Variants in RIC8B observed in about 807,000 individuals in gnomAD.
The protein encoded by RIC8B is chaperone Ric-8B.
In RIC8B, 16 loss-of-function variants were observed where a neutral mutation model predicts 57.5. The ratio of observed to expected loss-of-function variants is 0.28; its 90% CI spans 0.19 to 0.42. RIC8B has a LOEUF of 0.42. Ranked by LOEUF, RIC8B falls within the 10% of genes least tolerant of loss-of-function variation. RIC8B has a pLI of 1.00. For synonymous variants in RIC8B, 216 were observed against 250.8 expected, an observed-to-expected ratio of 0.86 and a Z score of 1.31; for missense variants, 481 against 677.0, an observed-to-expected ratio of 0.71 and a Z score of 3.21.
At chr12:106,821,577 T>C (rs2045842598) in intron 3 of RIC8B, among the ~76,000 whole-genome samples, 1 of 152,160 alleles carries the variant, frequency 6.6e-6, no homozygotes, top group Non-Finnish European at 1.5e-5. Context: ...ACATTTCTTA[T>C]ATGAGCAAAG....
At chr12:106,800,803 A>T (rs1347067977) in intron 2 of RIC8B, among the ~76,000 whole-genome samples, 1 of 152,102 alleles carries the variant, frequency 6.6e-6, no homozygotes. Flanking sequence ...TTCCAAAGAG[A>T]TTGTATATAG....
intron 4 of RIC8B, among the ~76,000 whole-genome samples, chr12:106,832,142 A>G (rs2046378675): frequency 6.6e-6 from 1 of 152,080 alleles, no homozygotes; most frequent in Non-Finnish European, 1.5e-5. Flanking sequence ...TGACTGCCTA[A>G]TTTAGATTAA....
intron 6 of RIC8B, among the ~76,000 whole-genome samples, chr12:106,851,054 A>G (rs1949449259): frequency 6.6e-6 from 1 of 152,198 alleles, no homozygotes; most frequent in Non-Finnish European, 1.5e-5. Flanking sequence ...AGGACTCAAG[A>G]GAAGGTAAAA....
At chr12:106,878,864 A>C (rs1215519847) in intron 9 of RIC8B, 3 of 451,034 alleles carry the variant, frequency 6.7e-6, no homozygotes, top group East Asian at 1.6e-4. Context: ...AGAACAAAAT[A>C]TGTTACATAA....
intron 3 of RIC8B, among the ~76,000 whole-genome samples, chr12:106,821,490 TAAGAGACCTAAATATAC>T (rs763093305): frequency 6.6e-5 from 10 of 152,204 alleles, no homozygotes; most frequent in Non-Finnish European, 1.5e-4. Context: ...TTGAGATGGA[TAAGAGACCTAAATATAC>T]AAGGTAAATA....
intron 3 of RIC8B, chr12:106,822,182 A>G (rs1389474114): frequency 1.3e-5 from 2 of 152,156 alleles, no homozygotes; most frequent in Non-Finnish European, 2.9e-5. Flanking sequence ...ACATATGAAA[A>G]GGTGTTCAAC....
intron 7 of RIC8B, among the ~76,000 whole-genome samples, chr12:106,857,906 T>G (rs539846564): frequency 7.9e-5 from 12 of 152,312 alleles, no homozygotes; most frequent in African/African-American, 2.6e-4. Context: ...ATTTTAAAAC[T>G]CTTGGCTATA....
At chr12:106,824,929 T>G (rs995535009) in intron 3 of RIC8B, among the ~76,000 whole-genome samples, 1 of 152,022 alleles carries the variant, frequency 6.6e-6, no homozygotes, top group Non-Finnish European at 1.5e-5. Context: ...GAAAAAAGTT[T>G]TATAATTTTT....
chr12:106,774,861 C>A, intron 1 of RIC8B, 32 bp downstream of exon 1: 1 of 1,506,624 alleles, frequency 6.6e-7, no homozygotes. Flanking sequence ...CGTGCGGTAT[C>A]GCACCCCCGG....
At chr12:106,821,488 G>A (rs1272494501) in intron 3 of RIC8B, among the ~76,000 whole-genome samples, 1 of 152,156 alleles carries the variant, frequency 6.6e-6, no homozygotes, top group African/African-American at 2.4e-5. Flanking sequence ...ATTTGAGATG[G>A]ATAAGAGACC....
At chr12:106,858,422 G>T (rs1316501136) in intron 7 of RIC8B, among the ~76,000 whole-genome samples, 3 of 152,038 alleles carry the variant, frequency 2.0e-5, no homozygotes, top group Non-Finnish European at 4.4e-5. Flanking sequence ...CAGTCGCTTT[G>T]TGTCTGACCA....
chr12:106,843,723 C>CAAAA (rs11384376), intron 5 of RIC8B, 129 bp from the exon 6 acceptor site: 34 of 256,680 alleles, frequency 1.3e-4, no homozygotes, highest in Non-Finnish European at 1.6e-4. Context: ...CTCCCTCTCC[C>CAAAA]AAAAAAAAAA....
At chr12:106,832,348 G>C (rs1461735806) in intron 4 of RIC8B, among the ~76,000 whole-genome samples, 1 of 152,050 alleles carries the variant, frequency 6.6e-6, no homozygotes, top group Middle Eastern at 3.4e-3. Context: ...CGGGTGGATC[G>C]CCTGAGGTCA....
intron 5 of RIC8B, among the ~76,000 whole-genome samples, chr12:106,843,452 T>C (rs1949040898): frequency 6.6e-6 from 1 of 152,178 alleles, no homozygotes; most frequent in Non-Finnish European, 1.5e-5. Flanking sequence ...AAAGAATTTT[T>C]AAAATAGTTT....
At chr12:106,864,971 T>TG (rs1389603685) in intron 8 of RIC8B, among the ~76,000 whole-genome samples, 48 of 152,124 alleles carry the variant, frequency 3.2e-4, no homozygotes, top group African/African-American at 1.1e-3. Context: ...GATTCGTTCA[T>TG]GTTGTGGCAC....
rs192625992 is a variant in RIC8B, at chr12:106,855,196, C to G, written c.1306+3602C>G. Among the ~76,000 whole-genome samples, 544 of 152,244 alleles carry G rather than the reference C, an allele frequency of 3.6e-3. 6 individuals are homozygous for G. The highest frequency in any genetic ancestry group is 3.8e-3 in the Non-Finnish European group (260 of 68,006). ...GGCTTGAACTCCCTTAGCACATAGCCCCACACCAATAAATTTACTGTAATA... is the reference window on the plus strand; with the variant it reads ...GGCTTGAACTCCCTTAGCACATAGCGCCACACCAATAAATTTACTGTAATA... On this transcript the variant is annotated intron_variant, in intron 7 of 9. Coordinates refer to ENST00000392837, the MANE Select transcript of RIC8B (RefSeq NM_001330145.2).
chr12:106,839,321 C>A (rs931255966), intron 4 of RIC8B, among the ~76,000 whole-genome samples: 1 of 152,090 alleles, frequency 6.6e-6, no homozygotes, highest in Non-Finnish European at 1.5e-5. Context: ...TATATGTATA[C>A]ACACACAGAG....
chr12:106,831,427 C>A (rs978748027), intron 4 of RIC8B, among the ~76,000 whole-genome samples: 4 of 152,196 alleles, frequency 2.6e-5, no homozygotes, highest in African/African-American at 7.2e-5. Context: ...TTCCCACTTT[C>A]ATCCTATGTA....
At chr12:106,778,894 A>ATT (rs2043613298) in intron 1 of RIC8B, among the ~76,000 whole-genome samples, 1 of 152,204 alleles carries the variant, frequency 6.6e-6, no homozygotes, top group Non-Finnish European at 1.5e-5. Context: ...ACACCATAGT[A>ATT]TTTGCATATA....
Sources: allele counts gnomAD v4.1 joint callset (sites outside exome capture counted in the v4.1 genomes callset), GRCh38; gene constraint gnomAD v4.1.1; transcripts MANE v1.5; gene names NCBI Gene and HGNC (gene_info 2026-07-23, HGNC 2026-07-21).